C1orf185: variants seen among roughly 807,000 people sequenced by gnomAD.
C1orf185 encodes uncharacterized protein C1orf185.
A neutral mutation model predicts 16.1 loss-of-function variants in C1orf185; 13 were observed. The observed-to-expected ratio is 0.81, with a 90% CI of 0.53 to 1.28. The LOEUF (loss-of-function observed/expected upper bound fraction) is 1.28, where lower values mean the gene tolerates loss of function less well. Among genes scored for constraint, C1orf185 ranks in the 50% most tolerant of loss-of-function variants. The pLI is 0.00. For missense variants in C1orf185, 220 were observed against 225.2 expected (o/e 0.98, Z 0.15); for synonymous variants, 80 against 76.9 (o/e 1.04, Z -0.21).
At chr1:51,135,975 C>A (rs1214545961) in intron 3 of C1orf185, among the ~76,000 whole-genome samples, 1 of 152,200 alleles carries the variant, frequency 6.6e-6, no homozygotes, top group African/African-American at 2.4e-5. Flanking sequence ...GATACAAACT[C>A]AATGTGCAAA....
chr1:51,147,677 C>T lies in C1orf185; in HGVS notation c.506C>T (p.Ser169Phe). ...GTGAAAAGGAACTCTCCAATGCCTT[C>T]TCTCGGGGAACCTCTAATGGAAAAA... is the stretch of plus-strand genomic sequence containing the variant. The part of the protein sequence containing the change: ...SLVKRNSPMP[S>F]LGEPLMEKVF... Residue 169 changes from serine to phenylalanine, a missense_variant, in exon 5 of 5, where the codon TCT becomes TTT. By Grantham distance (155) the Ser-to-Phe change is radical (BLOSUM62 -2). Transcript: ENST00000371759. 1 of 1,551,356 alleles carries T rather than the reference C, an allele frequency of 6.4e-7. No homozygotes were observed. Among genetic ancestry groups the T allele is most frequent in the Non-Finnish European group, 8.7e-7 (1 of 1,146,774 alleles).
chr1:51,146,184 C>T (rs968361322), intron 4 of C1orf185, among the ~76,000 whole-genome samples: 2 of 151,800 alleles, frequency 1.3e-5, no homozygotes, highest in African/African-American at 2.4e-5. Context: ...TTAGACCAGG[C>T]GTGGTGTCTC....
intron 3 of C1orf185, among the ~76,000 whole-genome samples, chr1:51,119,916 A>G (rs1003981903): frequency 8.5e-5 from 13 of 152,204 alleles, no homozygotes; most frequent in Non-Finnish European, 1.3e-4. Context: ...AGTAGAGAAG[A>G]AAAATACATA....
chr1:51,146,060 A>T (rs1189651372), intron 4 of C1orf185, among the ~76,000 whole-genome samples: 2 of 152,246 alleles, frequency 1.3e-5, no homozygotes, highest in African/African-American at 2.4e-5. Context: ...TGCATATTAC[A>T]TCTTAGTACC....
chr1:51,107,029 TTAC>T (rs1646078211), intron 1 of C1orf185, among the ~76,000 whole-genome samples: 1 of 152,166 alleles, frequency 6.6e-6, no homozygotes, highest in African/African-American at 2.4e-5. Context: ...AATGCTGGGA[TTAC>T]AGGCGTGAGC....
At chr1:51,147,233 A>T (rs868437626) in intron 4 of C1orf185, among the ~76,000 whole-genome samples, 2 of 152,152 alleles carry the variant, frequency 1.3e-5, no homozygotes, top group Admixed American at 6.6e-5. Flanking sequence ...ATTTTGAAAC[A>T]TTTCTAGCCT....
rs12085986 is a variant in C1orf185, at chr1:51,118,081, T to C, written c.123-585T>C. ...GGCATGTGCTACCATGCCCAGCTAA[T>C]TTTTTTGTATGTGTTTTTAGTAGAG... On this transcript the variant is annotated intron_variant, in intron 2 of 4. Transcript: ENST00000371759. 4.7e-3 allele frequency among the ~76,000 whole-genome samples: 699 copies of C among 150,178 alleles called. 4 individuals carry two copies. The highest frequency in any genetic ancestry group is 0.016 in the African/African-American group (665 of 41,326).
At chr1:51,144,662 G>A (rs1212424495) in intron 3 of C1orf185, among the ~76,000 whole-genome samples, 1 of 152,058 alleles carries the variant, frequency 6.6e-6, no homozygotes, top group Admixed American at 6.6e-5. Context: ...GCAGTGAGCT[G>A]TGATCATGCC....
In C1orf185 at chr1:51,147,542, C is replaced by T; in HGVS notation, c.371C>T (p.Ser124Phe). 1 of 1,551,544 alleles carries T rather than the reference C, an allele frequency of 6.4e-7. No individual in the cohort carries two copies. The highest frequency in any genetic ancestry group is 8.7e-7 in the Non-Finnish European group (1 of 1,146,890). Reference protein sequence around the residue: ...NIICDPSETSSTTNRSSVTLS... With the variant: ...NIICDPSETSFTTNRSSVTLS... The stretch of plus-strand genomic sequence containing the variant: ...ATTTGTGATCCCTCAGAGACCAGCT[C>T]CACAACAAATCGCAGCAGTGTTACA... Residue 124 changes from serine (S) to phenylalanine (F), a missense_variant, in exon 5 of 5, where the codon TCC becomes TTC. Ser to Phe is a radical substitution (Grantham distance 155). Transcript: ENST00000371759.
intron 1 of C1orf185, among the ~76,000 whole-genome samples, chr1:51,108,676 A>G (rs1557642310): frequency 6.6e-6 from 1 of 152,108 alleles, no homozygotes; most frequent in Non-Finnish European, 1.5e-5. Context: ...GAGAACGTAC[A>G]ATTTTTGTCT....
intron 3 of C1orf185, among the ~76,000 whole-genome samples, chr1:51,131,367 C>T (rs1241263644): frequency 3.9e-5 from 6 of 152,190 alleles, no homozygotes; most frequent in African/African-American, 1.2e-4. Context: ...TATGGCAGTT[C>T]CTCTTCCTCC....
At chr1:51,111,810 G>A (rs1182954687) in intron 1 of C1orf185, among the ~76,000 whole-genome samples, 3 of 152,016 alleles carry the variant, frequency 2.0e-5, no homozygotes, top group African/African-American at 7.2e-5. Flanking sequence ...GTGAGCCACG[G>A]CGCCCTGCCC....
Position 51,136,516 on chromosome 1 carries a change from G to A in C1orf185, c.259-9208G>A, listed in dbSNP as rs545271873. ...CAAACTGTGCTATAGAGTTACAGTA[G>A]CCAAAACAGCTACTGTTTTGTACTG... On this transcript the variant is annotated intron_variant, in intron 3 of 4. Transcript: ENST00000371759. Among the ~76,000 whole-genome samples the A allele has an allele frequency of 7.2e-5, 11 of 152,062 alleles. No individual in the cohort carries two copies. In the South Asian group the frequency reaches 2.3e-3, roughly 32 times the overall value.
chr1:51,113,755 G>A (rs1646139900), intron 2 of C1orf185, among the ~76,000 whole-genome samples: 1 of 152,126 alleles, frequency 6.6e-6, no homozygotes, highest in African/African-American at 2.4e-5. Context: ...TATATAAATT[G>A]TAACATAATC....
chr1:51,138,937 T>C (rs1445520658), intron 3 of C1orf185, among the ~76,000 whole-genome samples: 1 of 151,894 alleles, frequency 6.6e-6, no homozygotes, highest in Non-Finnish European at 1.5e-5. Context: ...GTCCGCCTGT[T>C]TCAACCTCCC....
At chr1:51,113,204 CATT>C (rs1014732280) in intron 2 of C1orf185, among the ~76,000 whole-genome samples, 2 of 151,806 alleles carry the variant, frequency 1.3e-5, no homozygotes, top group Non-Finnish European at 2.9e-5. Flanking sequence ...AGATTGAAAA[CATT>C]ATAGAAAAGG....
At chr1:51,113,843 G>C (rs1646140306) in intron 2 of C1orf185, among the ~76,000 whole-genome samples, 1 of 152,166 alleles carries the variant, frequency 6.6e-6, no homozygotes, top group South Asian at 2.1e-4. Flanking sequence ...CAGAAACCTA[G>C]AAATTATTCA....
chr1:51,118,637 A>C (rs1361961183), intron 2 of C1orf185, 29 bp from the exon 3 acceptor site: 1 of 1,234,754 alleles, frequency 8.1e-7, no homozygotes, highest in Non-Finnish European at 1.1e-6. Flanking sequence ...ACTCAGGTTT[A>C]ATAATATTCT....
chr1:51,111,867 A>G (rs934759822), intron 1 of C1orf185, among the ~76,000 whole-genome samples: 10 of 152,110 alleles, frequency 6.6e-5, no homozygotes, highest in Non-Finnish European at 1.5e-4. Context: ...ATTTCACTCT[A>G]TGGCTGGGCT....
Sources: gnomAD v4.1 joint callset for allele counts (sites outside exome capture counted in the v4.1 genomes callset) on GRCh38, gnomAD v4.1.1 for gene constraint, MANE v1.5 for transcripts, NCBI Gene and HGNC (gene_info 2026-07-23, HGNC 2026-07-21) for gene names.